OSBPL10: variants seen among roughly 807,000 people sequenced by gnomAD.
OSBPL10 encodes the protein oxysterol-binding protein-related protein 10.
In OSBPL10, 49 loss-of-function variants were observed where a neutral mutation model predicts 81.7. That is an observed-to-expected ratio of 0.60 (90% confidence interval 0.48 to 0.76). The LOEUF is 0.76. OSBPL10 is among the 30% of genes least tolerant of loss of function. OSBPL10 has a pLI of 0.00. For synonymous variants in OSBPL10, 419 were observed against 383.6 expected (o/e 1.09, Z -1.08); for missense variants, 923 against 987.8 (o/e 0.93, Z 0.88).
intron 2 of OSBPL10, among the ~76,000 whole-genome samples, chr3:32,043,615 T>C (rs1379581349): frequency 1.3e-5 from 2 of 152,230 alleles, no homozygotes; most frequent in Non-Finnish European, 2.9e-5. Flanking sequence ...GTCCCTCCGT[T>C]TGGGATCCCT....
At chr3:31,901,480 T>TG (rs1224165881) in intron 1 of OSBPL10, among the ~76,000 whole-genome samples, 6 of 152,338 alleles carry the variant, frequency 3.9e-5, no homozygotes, top group Admixed American at 2.0e-4. Context: ...TCCCTACTCT[T>TG]GGTCTGGCTA....
At chr3:31,851,711 G>C (rs1446562438) in intron 3 of OSBPL10, among the ~76,000 whole-genome samples, 1 of 152,234 alleles carries the variant, frequency 6.6e-6, no homozygotes, top group Non-Finnish European at 1.5e-5. Flanking sequence ...TGCCAGAAGT[G>C]TCATGCAGCT....
At chr3:31,816,259 G>A (rs1235632821) in intron 4 of OSBPL10, among the ~76,000 whole-genome samples, 3 of 152,168 alleles carry the variant, frequency 2.0e-5, no homozygotes, top group African/African-American at 7.2e-5. Context: ...GTAACACCAT[G>A]TAACTTTCAT....
chr3:32,011,815 G>T (rs969333226), intron 2 of OSBPL10, among the ~76,000 whole-genome samples: 12 of 152,158 alleles, frequency 7.9e-5, no homozygotes, highest in East Asian at 1.9e-4. Flanking sequence ...TTCAGTAGCC[G>T]ATTTGATCAA....
intron 6 of OSBPL10, chr3:31,732,652 A>G (rs1371498987): frequency 6.6e-6 from 1 of 152,538 alleles, no homozygotes; most frequent in East Asian, 1.9e-4. Context: ...CAGAAATAGG[A>G]GAGCCAGGCT....
At chr3:31,825,390 T>C (rs1700075639) in intron 4 of OSBPL10, among the ~76,000 whole-genome samples, 1 of 152,138 alleles carries the variant, frequency 6.6e-6, no homozygotes. Context: ...GGGGCAATCG[T>C]TGCTCATTGC....
intron 1 of OSBPL10, among the ~76,000 whole-genome samples, chr3:31,881,933 A>G (rs553216718): frequency 2.0e-5 from 3 of 152,320 alleles, no homozygotes; most frequent in East Asian, 1.9e-4. Context: ...TTCTGTGTCC[A>G]AAGTTCAGGC....
In OSBPL10 at chr3:31,929,440, A is replaced by G. The variant is rs753027675; in HGVS notation, c.282-49610T>C. On this transcript the variant is annotated intron_variant, in intron 1 of 11. Transcript: ENST00000396556. ...TATAATCAAAGAAAATACTTCATTCATGATGGTTACAAAAAGTAAAATATC... is the reference window on the plus strand; with the variant it reads ...TATAATCAAAGAAAATACTTCATTCGTGATGGTTACAAAAAGTAAAATATC... Among the ~76,000 whole-genome samples, 5 of 152,314 alleles carry G rather than the reference A, an allele frequency of 3.3e-5. No homozygotes were observed. The Middle Eastern group carries it at 0.01, about 311-fold the overall frequency.
chr3:31,692,886 C>A (rs1695597661), intron 7 of OSBPL10, among the ~76,000 whole-genome samples: 1 of 152,202 alleles, frequency 6.6e-6, no homozygotes, highest in Non-Finnish European at 1.5e-5. Flanking sequence ...CTGAAGACTA[C>A]CATTGTGACT....
At chr3:31,688,048 C>A (rs1206618311) in intron 7 of OSBPL10, among the ~76,000 whole-genome samples, 1 of 151,912 alleles carries the variant, frequency 6.6e-6, no homozygotes, top group Non-Finnish European at 1.5e-5. Flanking sequence ...CAAACAGTAT[C>A]ATTAATATCA....
chr3:31,787,409 A>G (rs550774515), intron 4 of OSBPL10, among the ~76,000 whole-genome samples: 5 of 152,128 alleles, frequency 3.3e-5, no homozygotes, highest in Admixed American at 1.3e-4. Context: ...AGCCTGGCCA[A>G]TATGGTGAAA....
intron 1 of OSBPL10, among the ~76,000 whole-genome samples, chr3:31,951,534 A>G (rs567403605): frequency 6.6e-6 from 1 of 152,084 alleles, no homozygotes; most frequent in Non-Finnish European, 1.5e-5. Context: ...TATCCTTCCT[A>G]GAGTGAATGG....
intron 3 of OSBPL10, among the ~76,000 whole-genome samples, chr3:31,867,250 T>C (rs959917233): frequency 2.6e-5 from 4 of 152,174 alleles, no homozygotes; most frequent in African/African-American, 9.7e-5. Context: ...CCTGGGGTCC[T>C]AGAAGCCCAG....
intron 1 of OSBPL10, among the ~76,000 whole-genome samples, chr3:32,068,213 C>A (rs547652401): frequency 4.6e-5 from 7 of 152,304 alleles, no homozygotes; most frequent in Admixed American, 3.9e-4. Context: ...GCGCCAGTCA[C>A]GGACTCGGGA....
chr3:31,874,094 T>C (rs1351135046), intron 3 of OSBPL10, among the ~76,000 whole-genome samples: 1 of 150,940 alleles, frequency 6.6e-6, no homozygotes, highest in Non-Finnish European at 1.5e-5. Context: ...AAACTCTGCT[T>C]CCAAGAATCT....
chr3:32,054,955 G>A (rs912938040), intron 1 of OSBPL10, among the ~76,000 whole-genome samples: 5 of 152,094 alleles, frequency 3.3e-5, no homozygotes, highest in African/African-American at 4.8e-5. Context: ...ACATTGACAG[G>A]TGCTCTTGAA....
At chr3:31,922,845 C>T (rs1290101924) in intron 1 of OSBPL10, among the ~76,000 whole-genome samples, 2 of 151,954 alleles carry the variant, frequency 1.3e-5, no homozygotes, top group Non-Finnish European at 2.9e-5. Flanking sequence ...TCTGGCCAAA[C>T]CTGCCTTAAT....
chr3:32,017,382 C>T (rs1699322163), intron 2 of OSBPL10, among the ~76,000 whole-genome samples: 1 of 152,140 alleles, frequency 6.6e-6, no homozygotes, highest in Admixed American at 6.6e-5. Flanking sequence ...TTTTACTCTA[C>T]CAAGTAGTTT....
intron 3 of OSBPL10, among the ~76,000 whole-genome samples, chr3:31,870,291 C>A (rs376767528): frequency 6.6e-6 from 1 of 152,226 alleles, no homozygotes; most frequent in Non-Finnish European, 1.5e-5. Context: ...TGTACTGGGT[C>A]CCCCAGCAGT....
Sources: allele counts gnomAD v4.1 joint callset (sites outside exome capture counted in the v4.1 genomes callset), GRCh38; gene constraint gnomAD v4.1.1; transcripts MANE v1.5; gene names NCBI Gene and HGNC (gene_info 2026-07-23, HGNC 2026-07-21).